The following SDK1 variants were observed in gnomAD, a reference collection of about 807,000 sequenced individuals.
SDK1 encodes the protein sidekick cell adhesion molecule 1.
A neutral mutation model predicts 245.5 loss-of-function variants in SDK1; 157 were observed. The observed-to-expected ratio is 0.64, with a 90% CI of 0.56 to 0.73. The LOEUF is 0.73. Among genes scored for constraint, SDK1 ranks in the 30% least tolerant of loss-of-function variants. The probability of loss-of-function intolerance (pLI) is 0.00; values close to 1 mark genes in which losing one functional copy is unlikely to be tolerated. For missense variants in SDK1, 3,583 were observed against 3,002.3 expected (o/e 1.19, Z -4.52); for synonymous variants, 1,647 against 1,278.5 (o/e 1.29, Z -6.15).
chr7:4,237,007 A>G (rs112030732), intron 41 of SDK1, among the ~76,000 whole-genome samples: 3,568 of 152,096 alleles, frequency 0.023, 82 homozygotes, highest in South Asian at 0.12. Context: ...CCTGGGCTCA[A>G]GTGATCCTCC....
intron 1 of SDK1, among the ~76,000 whole-genome samples, chr7:3,467,448 A>T (rs948534817): frequency 2.0e-5 from 3 of 152,100 alleles, no homozygotes; most frequent in African/African-American, 4.8e-5. Flanking sequence ...AAAAATATAC[A>T]AAAAGTAAAA....
intron 25 of SDK1, among the ~76,000 whole-genome samples, chr7:4,125,209 G>T (rs1466524737): frequency 1.3e-5 from 2 of 151,386 alleles, no homozygotes; most frequent in African/African-American, 4.9e-5. Context: ...ATGGATGGAT[G>T]GATGGGTAGA....
Position 4,267,136 on chromosome 7 carries a change from T to G in SDK1, c.*1752T>G. ...GGCTGGAAAACCCCTTTTCAGTCTT[T>G]CCAAAATTAGAGGGTATGGCAAGTT... On this transcript the variant is annotated 3_prime_UTR_variant, in exon 45 of 45. Coordinates refer to ENST00000404826, the MANE Select transcript of SDK1 (RefSeq NM_152744.4). 1 of 985,416 alleles carries G rather than the reference T, an allele frequency of 1.0e-6. No homozygotes were observed. The highest frequency in any genetic ancestry group is 4.7e-5 in the South Asian group (1 of 21,284). The allele number at this position is 985,416 out of a possible 1,614,324, so 61.0% of individuals were successfully genotyped here.
At chr7:3,915,295 C>G (rs909380612) in intron 5 of SDK1, among the ~76,000 whole-genome samples, 1 of 152,098 alleles carries the variant, frequency 6.6e-6, no homozygotes, top group African/African-American at 2.4e-5. Context: ...GGTAGGAGAC[C>G]CCTGAAGAGC....
chr7:3,602,100 C>T (rs981671963), intron 1 of SDK1, among the ~76,000 whole-genome samples: 3 of 151,890 alleles, frequency 2.0e-5, no homozygotes, highest in Non-Finnish European at 2.9e-5. Flanking sequence ...AGGTTGGTTC[C>T]AAGTCTTTGC....
intron 4 of SDK1, among the ~76,000 whole-genome samples, chr7:3,790,894 G>T (rs756396961): frequency 6.6e-6 from 1 of 152,064 alleles, no homozygotes; most frequent in Admixed American, 6.6e-5. Context: ...TCATTTTGGG[G>T]GCAGAAGCTA....
At chr7:3,948,560 C>T (rs1780671324) in intron 5 of SDK1, among the ~76,000 whole-genome samples, 1 of 152,242 alleles carries the variant, frequency 6.6e-6, no homozygotes, top group African/African-American at 2.4e-5. Context: ...CCGCGCCCGG[C>T]CACCACTGTT....
At chr7:3,793,256 C>A (rs1778862760) in intron 4 of SDK1, among the ~76,000 whole-genome samples, 1 of 152,064 alleles carries the variant, frequency 6.6e-6, no homozygotes, top group Middle Eastern at 3.2e-3. Flanking sequence ...ATTAAAAGAT[C>A]CTGTCAATGA....
rs558872378 is a variant in SDK1, at chr7:3,558,552, A to C, written c.299-60528A>C. On this transcript the variant is annotated intron_variant, in intron 1 of 44. Transcript: ENST00000404826. ...CAAGAGGCAGTGATTGGCCTGGTAC[A>C]GGCCATGTGGACAGGGAGGGAGAGG... 5.3e-5 allele frequency among the ~76,000 whole-genome samples: 8 copies of C among 152,320 alleles called. No individual in the cohort carries two copies. In the East Asian group the frequency reaches 7.7e-4, roughly 15 times the overall value.
intron 1 of SDK1, among the ~76,000 whole-genome samples, chr7:3,506,851 AAC>A (rs541116583): frequency 5.9e-5 from 9 of 152,058 alleles, no homozygotes; most frequent in African/African-American, 2.2e-4. Context: ...TTTTTAAATA[AAC>A]ACACACATTT....
At chr7:3,768,956 C>T (rs1178355936) in intron 4 of SDK1, among the ~76,000 whole-genome samples, 3 of 152,070 alleles carry the variant, frequency 2.0e-5, no homozygotes, top group Non-Finnish European at 4.4e-5. Flanking sequence ...ATGGTCTTGC[C>T]CTGTTAAGAC....
chr7:3,972,245 A>AT (rs1229564959), intron 12 of SDK1, among the ~76,000 whole-genome samples: 4 of 151,694 alleles, frequency 2.6e-5, no homozygotes, highest in African/African-American at 9.7e-5. Flanking sequence ...ACTCCCGGCT[A>AT]TTTTTTTGTA....
intron 1 of SDK1, among the ~76,000 whole-genome samples, chr7:3,315,945 A>G (rs58993463): frequency 0.019 from 2,941 of 151,852 alleles, 96 homozygotes; most frequent in African/African-American, 0.068. Context: ...AGAATAAAAA[A>G]CTCCTTTGAA....
chr7:3,882,088 C>T (rs1781222231), intron 5 of SDK1, among the ~76,000 whole-genome samples: 1 of 152,082 alleles, frequency 6.6e-6, no homozygotes, highest in Non-Finnish European at 1.5e-5. Context: ...AAGAGAGAAA[C>T]GAGAGCCAAG....
intron 5 of SDK1, among the ~76,000 whole-genome samples, chr7:3,937,090 A>G (rs1477586745): frequency 6.6e-6 from 1 of 152,108 alleles, no homozygotes; most frequent in African/African-American, 2.4e-5. Flanking sequence ...CGTGTGCCCC[A>G]GGAGCACGGC....
chr7:3,835,376 G>T (rs1307300349), intron 5 of SDK1, among the ~76,000 whole-genome samples: 1 of 152,160 alleles, frequency 6.6e-6, no homozygotes, highest in East Asian at 1.9e-4. Context: ...AATTAATCAT[G>T]CTGCTTCTGG....
intron 5 of SDK1, among the ~76,000 whole-genome samples, chr7:3,890,472 T>G (rs1204674145): frequency 6.6e-6 from 1 of 152,220 alleles, no homozygotes; most frequent in Non-Finnish European, 1.5e-5. Flanking sequence ...TCTTTGTACT[T>G]TATTCAACAT....
At chr7:4,106,648 C>CAGAGACCGT (rs1782934448) in intron 22 of SDK1, among the ~76,000 whole-genome samples, 2 of 152,196 alleles carry the variant, frequency 1.3e-5, no homozygotes, top group South Asian at 4.1e-4. Flanking sequence ...CAGAGGGAGC[C>CAGAGACCGT]GCACGCCCGG....
chr7:4,184,797 T>A (rs1283352256), intron 35 of SDK1, among the ~76,000 whole-genome samples: 2 of 152,212 alleles, frequency 1.3e-5, no homozygotes, highest in East Asian at 3.9e-4. Flanking sequence ...TATTAACTCC[T>A]GCACTGGAAG....
Sources: gnomAD v4.1 joint callset for allele counts (sites outside exome capture counted in the v4.1 genomes callset) on GRCh38, gnomAD v4.1.1 for gene constraint, MANE v1.5 for transcripts, NCBI Gene and HGNC (gene_info 2026-07-23, HGNC 2026-07-21) for gene names.